Variants in BTC observed in about 807,000 individuals in gnomAD.
The protein encoded by BTC is betacellulin, also known as probetacellulin.
In BTC, 13 loss-of-function variants were observed where a neutral mutation model predicts 18.1. The observed-to-expected ratio is 0.72, with a 90% CI of 0.47 to 1.14. BTC has a LOEUF of 1.14. BTC is among the 50% of genes most tolerant of loss of function. The pLI is 0.00. For missense variants in BTC, 247 were observed against 224.2 expected (o/e 1.10, Z -0.65); for synonymous variants, 83 against 79.4 (o/e 1.05, Z -0.24).
intron 1 of BTC, among the ~76,000 whole-genome samples, 200 bp from the exon 2 acceptor site, chr4:74,770,356 A>G (rs1725006654): frequency 6.6e-6 from 1 of 152,224 alleles, no homozygotes; most frequent in Non-Finnish European, 1.5e-5. Flanking sequence ...ATGAATTTTC[A>G]AGCCACCATC....
intron 1 of BTC, among the ~76,000 whole-genome samples, chr4:74,773,470 A>T (rs1376223185): frequency 2.0e-5 from 3 of 152,086 alleles, no homozygotes; most frequent in Non-Finnish European, 4.4e-5. Flanking sequence ...GAGAAAGGAC[A>T]CTCCATTCAT....
intron 1 of BTC, among the ~76,000 whole-genome samples, chr4:74,779,278 A>G (rs1397628864): frequency 6.6e-6 from 1 of 152,190 alleles, no homozygotes; most frequent in African/African-American, 2.4e-5. Flanking sequence ...AACCTGTCAT[A>G]CACAAACTAA....
At chr4:74,777,307 G>C (rs554813476) in intron 1 of BTC, among the ~76,000 whole-genome samples, 3 of 152,140 alleles carry the variant, frequency 2.0e-5, no homozygotes, top group African/African-American at 7.2e-5. Context: ...GAAATTATGC[G>C]TTTGTAACTT....
intron 1 of BTC, among the ~76,000 whole-genome samples, chr4:74,779,591 A>C (rs911050611): frequency 1.3e-5 from 2 of 152,114 alleles, no homozygotes; most frequent in African/African-American, 4.8e-5. Flanking sequence ...GAACCAAGGA[A>C]AAAGGACAAT....
intron 3 of BTC, among the ~76,000 whole-genome samples, chr4:74,751,377 A>G (rs1724456626): frequency 6.6e-6 from 1 of 152,218 alleles, no homozygotes; most frequent in Non-Finnish European, 1.5e-5. Context: ...CTCCTTCATT[A>G]CATCCCTGCA....
At chr4:74,752,219 A>G (rs1553956249) in intron 3 of BTC, among the ~76,000 whole-genome samples, 1 of 152,204 alleles carries the variant, frequency 6.6e-6, no homozygotes, top group African/African-American at 2.4e-5. Flanking sequence ...AAAGGCATCT[A>G]TTATAAAAGG....
chr4:74,773,068 G>A (rs552494795), intron 1 of BTC, among the ~76,000 whole-genome samples: 12 of 152,344 alleles, frequency 7.9e-5, no homozygotes, highest in African/African-American at 2.9e-4. Flanking sequence ...AGCAGAGCAT[G>A]AGCTGCTCCT....
intron 1 of BTC, among the ~76,000 whole-genome samples, chr4:74,790,273 AT>A (rs1725586249): frequency 1.3e-5 from 2 of 152,210 alleles, no homozygotes; most frequent in Non-Finnish European, 2.9e-5. Flanking sequence ...GTCTATTATA[AT>A]AACTCATGCT....
At chr4:74,766,473 T>C (rs971567258) in intron 2 of BTC, among the ~76,000 whole-genome samples, 18 of 151,962 alleles carry the variant, frequency 1.2e-4, no homozygotes, top group African/African-American at 4.1e-4. Flanking sequence ...GTCACAGAAA[T>C]AAAAAGGATT....
chr4:74,781,556 C>A (rs1725332486), intron 1 of BTC, among the ~76,000 whole-genome samples: 1 of 152,002 alleles, frequency 6.6e-6, no homozygotes, highest in Admixed American at 6.6e-5. Flanking sequence ...GGTTGACTTT[C>A]CCAAATCTTC....
In BTC at chr4:74,770,155, A is replaced by G. The variant is rs1725001651; in HGVS notation, c.66T>C (p.Gly22=). ...SLPLLLALAL[G]LVILHCVVAD... ...CCACCACACAGTGAAGGATCACTAG[A>G]CCTTCAAATTCAAAACAGAACCAAA... Residue 22 remains glycine, a splice_region_variant and synonymous_variant, in exon 2 of 6, where the codon GGT becomes GGC. Transcript: ENST00000395743. 6.2e-7 allele frequency: 1 copy of G among 1,600,114 alleles called. No homozygotes were observed.
chr4:74,781,075 T>C (rs569770380), intron 1 of BTC, among the ~76,000 whole-genome samples: 1 of 152,180 alleles, frequency 6.6e-6, no homozygotes, highest in South Asian at 2.1e-4. Flanking sequence ...GCCCACTCCC[T>C]ACCCAGCTTA....
At chr4:74,790,453 G>A (rs888722914) in intron 1 of BTC, among the ~76,000 whole-genome samples, 1 of 152,124 alleles carries the variant, frequency 6.6e-6, no homozygotes, top group African/African-American at 2.4e-5. Context: ...GCACCAGGAG[G>A]CCATGCCCCA....
intron 1 of BTC, among the ~76,000 whole-genome samples, chr4:74,793,831 G>T (rs968102652): frequency 6.6e-6 from 1 of 152,092 alleles, no homozygotes; most frequent in South Asian, 2.1e-4. Flanking sequence ...ATGCTTCTTG[G>T]TCTATACTAC....
intron 1 of BTC, among the ~76,000 whole-genome samples, chr4:74,771,405 G>C (rs1725035602): frequency 6.6e-6 from 1 of 152,158 alleles, no homozygotes; most frequent in Admixed American, 6.5e-5. Flanking sequence ...ACTTATGTAT[G>C]TTCTCCAACT....
intron 1 of BTC, among the ~76,000 whole-genome samples, chr4:74,783,687 A>G (rs1177138897): frequency 1.3e-5 from 2 of 149,804 alleles, no homozygotes; most frequent in African/African-American, 5.0e-5. Context: ...ATAGCATTGA[A>G]TCTATAAATT....
chr4:74,781,922 C>T (rs1213445016), intron 1 of BTC, among the ~76,000 whole-genome samples: 1 of 152,064 alleles, frequency 6.6e-6, no homozygotes, highest in East Asian at 1.9e-4. Flanking sequence ...GACTTTGTCT[C>T]AGTCACAGAC....
intron 3 of BTC, among the ~76,000 whole-genome samples, chr4:74,755,448 A>G (rs190009164): frequency 1.3e-5 from 2 of 152,340 alleles, no homozygotes; most frequent in East Asian, 1.9e-4. Flanking sequence ...AATTCCTTCT[A>G]CTTAAGTGAC....
chr4:74,794,352 C>A lies in BTC; in HGVS notation c.-27G>T, dbSNP rs746559703. On this transcript the variant is annotated 5_prime_UTR_variant, in exon 1 of 6. Transcript: ENST00000395743. ...AACCCCGCTCTGCCGGGCCGGGCAG[C>A]CCCTAGACAAGTCTCCCTCCTTCTT... The A allele has an allele frequency of 4.9e-5, 74 of 1,524,676 alleles. No homozygotes were observed. The highest frequency in any genetic ancestry group is 5.7e-5 in the Non-Finnish European group (65 of 1,135,924). The allele number at this position is 1,524,676 out of a possible 1,614,324, so 94.4% of individuals were successfully genotyped here. A position where few individuals can be genotyped will look rare whatever the true frequency, so the allele number is the denominator to read the frequency against.
Sources: gnomAD v4.1 joint callset for allele counts (sites outside exome capture counted in the v4.1 genomes callset) on GRCh38, gnomAD v4.1.1 for gene constraint, MANE v1.5 for transcripts, NCBI Gene and HGNC (gene_info 2026-07-23, HGNC 2026-07-21) for gene names.